ADGRB3: variants seen among roughly 807,000 people sequenced by gnomAD.
ADGRB3 encodes adhesion G protein-coupled receptor B3, also known as brain-specific angiogenesis inhibitor 3.
In ADGRB3, 37 loss-of-function variants were observed where a neutral mutation model predicts 193.4. The ratio of observed to expected loss-of-function variants is 0.19; its 90% CI spans 0.15 to 0.25. The LOEUF (loss-of-function observed/expected upper bound fraction) is 0.25, where lower values mean the gene tolerates loss of function less well. Ranked by LOEUF, ADGRB3 falls within the 10% of genes least tolerant of loss-of-function variation. ADGRB3 has a pLI of 1.00. For synonymous variants in ADGRB3, 690 were observed against 644.2 expected (o/e 1.07, Z -1.08); for missense variants, 1,637 against 1,852.9 (o/e 0.88, Z 2.14).
At chr6:68,642,342 A>G (rs1283039475) in intron 3 of ADGRB3, among the ~76,000 whole-genome samples, 2 of 152,126 alleles carry the variant, frequency 1.3e-5, no homozygotes, top group Non-Finnish European at 2.9e-5. Flanking sequence ...GTCCACTGGT[A>G]TTATGACATA....
chr6:69,049,877 C>A (rs1771343274), intron 15 of ADGRB3, among the ~76,000 whole-genome samples: 1 of 152,140 alleles, frequency 6.6e-6, no homozygotes, highest in African/African-American at 2.4e-5. Flanking sequence ...CTATTAATTT[C>A]TTTCCTCCCA....
intron 17 of ADGRB3, among the ~76,000 whole-genome samples, chr6:69,082,391 A>G (rs111315914): frequency 1.3e-5 from 2 of 152,222 alleles, no homozygotes; most frequent in African/African-American, 4.8e-5. Flanking sequence ...AGATTCACCC[A>G]TAATTTGTCT....
chr6:69,303,292 GA>G (rs932507737), intron 20 of ADGRB3, among the ~76,000 whole-genome samples: 1 of 151,708 alleles, frequency 6.6e-6, no homozygotes, highest in African/African-American at 2.4e-5. Context: ...ATAAAAAAGC[GA>G]AAAAAATCAG....
In ADGRB3 at chr6:68,900,008, T is replaced by C. The variant is rs1766350065; in HGVS notation, c.758-30551T>C. ...AAGCAAAAAATACTTACATTTTACCTTGAGGGTAATCAATAAATTTTTTTA... is the reference window on the plus strand; with the variant it reads ...AAGCAAAAAATACTTACATTTTACCCTGAGGGTAATCAATAAATTTTTTTA... On this transcript the variant is annotated intron_variant, in intron 3 of 31. Transcript: ENST00000370598. Among the ~76,000 whole-genome samples, 4 of 152,112 alleles carry C rather than the reference T, an allele frequency of 2.6e-5. No homozygotes were observed. In the South Asian group the frequency reaches 8.3e-4, roughly 32 times the overall value.
At chr6:69,344,414 T>C (rs565310310) in intron 26 of ADGRB3, among the ~76,000 whole-genome samples, 2 of 152,314 alleles carry the variant, frequency 1.3e-5, no homozygotes, top group Admixed American at 1.3e-4. Flanking sequence ...TTTAGCCTAT[T>C]TCCTATTTAG....
chr6:69,040,341 C>CTTTCTTTT (rs994504494), intron 13 of ADGRB3, among the ~76,000 whole-genome samples: 1 of 50,752 alleles, frequency 2.0e-5, no homozygotes, highest in African/African-American at 6.0e-5. Flanking sequence ...TTCTTTCTTT[C>CTTTCTTTT]TTTCTTTCTT....
At chr6:68,715,453 A>C (rs1361085584) in intron 3 of ADGRB3, among the ~76,000 whole-genome samples, 1 of 151,698 alleles carries the variant, frequency 6.6e-6, no homozygotes, top group Admixed American at 6.6e-5. Flanking sequence ...GACCCTTTTC[A>C]ATAAATGAGC....
intron 3 of ADGRB3, among the ~76,000 whole-genome samples, chr6:68,867,959 A>G (rs1332393641): frequency 6.6e-6 from 1 of 152,148 alleles, no homozygotes; most frequent in Non-Finnish European, 1.5e-5. Context: ...GGCCAAAAGG[A>G]CTTGCCTTGT....
In ADGRB3 at chr6:68,956,854, T is replaced by C. The variant is rs963026164; in HGVS notation, c.1525+45T>C. The C allele has an allele frequency of 2.6e-6, 4 of 1,515,286 alleles. No homozygotes were observed. The African/African-American group carries it at 8.0e-5, about 30-fold the overall frequency. The allele number at this position is 1,515,286 out of a possible 1,614,324, so 93.9% of individuals were successfully genotyped here. The stretch of plus-strand genomic sequence containing the variant: ...ATCCCAAAAGAAACATTTCATAACG[T>C]GAAAAAAAAAAGATTTAAAAATATT... On this transcript the variant is annotated intron_variant, in intron 8 of 31. Coordinates refer to ENST00000370598, the MANE Select transcript of ADGRB3 (RefSeq NM_001704.3).
chr6:69,007,187 C>G (rs1252894493), intron 11 of ADGRB3, among the ~76,000 whole-genome samples: 1 of 152,132 alleles, frequency 6.6e-6, no homozygotes, highest in Non-Finnish European at 1.5e-5. Context: ...TGCTTCTCCT[C>G]CCATGCAATC....
At chr6:68,748,171 C>T (rs1268722764) in intron 3 of ADGRB3, among the ~76,000 whole-genome samples, 1 of 152,086 alleles carries the variant, frequency 6.6e-6, no homozygotes, top group African/African-American at 2.4e-5. Context: ...TATCATTCCA[C>T]CCCTAGCCCC....
At chr6:68,721,407 A>G (rs1272898129) in intron 3 of ADGRB3, among the ~76,000 whole-genome samples, 1 of 150,304 alleles carries the variant, frequency 6.7e-6, no homozygotes, top group Non-Finnish European at 1.5e-5. Context: ...GTTCTCACTC[A>G]TAGGTGGGAA....
intron 3 of ADGRB3, among the ~76,000 whole-genome samples, chr6:68,817,575 A>G (rs1330655699): frequency 1.3e-5 from 2 of 151,748 alleles, no homozygotes; most frequent in Admixed American, 6.6e-5. Flanking sequence ...GCACTCATGC[A>G]TAGAACATAT....
intron 20 of ADGRB3, among the ~76,000 whole-genome samples, chr6:69,298,938 G>GT (rs1381273995): frequency 5.9e-5 from 9 of 151,844 alleles, no homozygotes; most frequent in Admixed American, 5.9e-4. Flanking sequence ...TCTATTTTTA[G>GT]TTTTTTAAGG....
intron 17 of ADGRB3, among the ~76,000 whole-genome samples, chr6:69,095,355 G>A (rs1772841766): frequency 6.8e-6 from 1 of 147,178 alleles, no homozygotes. Flanking sequence ...TAAAGATAGA[G>A]TGCTCTGTGT....
chr6:68,707,108 C>G (rs1301368681), intron 3 of ADGRB3, among the ~76,000 whole-genome samples: 6 of 56,914 alleles, frequency 1.1e-4, no homozygotes, highest in Non-Finnish European at 1.6e-4. Context: ...CAGACTCCAT[C>G]TCAAAAAAAA....
chr6:68,901,690 G>A (rs972030644), intron 3 of ADGRB3, among the ~76,000 whole-genome samples: 2 of 152,010 alleles, frequency 1.3e-5, no homozygotes, highest in African/African-American at 4.8e-5. Flanking sequence ...TAAAATATTA[G>A]ATAAAAAGTC....
chr6:68,999,226 A>G (rs1341472716), intron 11 of ADGRB3, among the ~76,000 whole-genome samples: 1 of 151,938 alleles, frequency 6.6e-6, no homozygotes, highest in Non-Finnish European at 1.5e-5. Flanking sequence ...CATAACTCCA[A>G]GACTATTCAT....
chr6:69,331,776 T>C (rs1220047649), intron 23 of ADGRB3: 1 of 984,906 alleles, frequency 1.0e-6, no homozygotes, highest in Non-Finnish European at 1.2e-6. Context: ...CACCAAAGTA[T>C]GGTCTTTGGA....
Sources: allele counts gnomAD v4.1 joint callset (sites outside exome capture counted in the v4.1 genomes callset), GRCh38; gene constraint gnomAD v4.1.1; transcripts MANE v1.5; gene names NCBI Gene and HGNC (gene_info 2026-07-23, HGNC 2026-07-21).